Variants in MEF2A observed in about 807,000 individuals in gnomAD.
MEF2A encodes the protein myocyte enhancer factor 2A, also known as myocyte-specific enhancer factor 2A.
A neutral mutation model predicts 55.8 loss-of-function variants in MEF2A; 28 were observed. That is an observed-to-expected ratio of 0.50 (90% CI 0.37 to 0.69). MEF2A has a LOEUF of 0.69. Among genes scored for constraint, MEF2A ranks in the 30% least tolerant of loss-of-function variants. The pLI is 0.00. For synonymous variants in MEF2A, 239 were observed against 227.1 expected (o/e 1.05, Z -0.47); for missense variants, 528 against 626.2 (o/e 0.84, Z 1.67).
At chr15:99,675,976 G>T (rs934998610) in intron 7 of MEF2A, among the ~76,000 whole-genome samples, 2 of 151,806 alleles carry the variant, frequency 1.3e-5, no homozygotes, top group Admixed American at 1.3e-4. Flanking sequence ...GGAGGCGGTG[G>T]TTGCAGTGAG....
At chr15:99,572,381 C>G (rs968606668) in intron 1 of MEF2A, among the ~76,000 whole-genome samples, 2 of 152,194 alleles carry the variant, frequency 1.3e-5, no homozygotes, top group Admixed American at 1.3e-4. Flanking sequence ...CTAATCTGAC[C>G]ATCCTATTTA....
chr15:99,679,104 T>C (rs1456610900), intron 7 of MEF2A, among the ~76,000 whole-genome samples: 1 of 152,172 alleles, frequency 6.6e-6, no homozygotes, highest in Non-Finnish European at 1.5e-5. Context: ...GACAAAGCTA[T>C]GAAAAAGCAC....
intron 4 of MEF2A, among the ~76,000 whole-genome samples, chr15:99,662,136 G>A (rs563646042): frequency 7.2e-5 from 11 of 152,146 alleles, no homozygotes; most frequent in Non-Finnish European, 1.5e-4. Flanking sequence ...TCATCACAGA[G>A]TTAGGATGGT....
intron 10 of MEF2A, 78 bp downstream of exon 10, chr15:99,706,933 T>A (rs541215961): frequency 5.6e-5 from 82 of 1,457,966 alleles, no homozygotes; most frequent in Admixed American, 3.5e-4. Flanking sequence ...TGATTTTTTT[T>A]AAGTATATTT....
intron 4 of MEF2A, among the ~76,000 whole-genome samples, chr15:99,647,805 T>C (rs1402187089): frequency 6.6e-6 from 1 of 152,196 alleles, no homozygotes; most frequent in East Asian, 1.9e-4. Context: ...ATAAATACAG[T>C]AGATAGAAGA....
intron 8 of MEF2A, among the ~76,000 whole-genome samples, chr15:99,702,704 T>C (rs935446661): frequency 3.3e-5 from 5 of 152,224 alleles, no homozygotes; most frequent in South Asian, 4.1e-4. Flanking sequence ...ACATGACTTA[T>C]GAATTCATTT....
chr15:99,706,911 C>T (rs532531831), intron 10 of MEF2A, 56 bp downstream of exon 10: 31 of 1,554,100 alleles, frequency 2.0e-5, no homozygotes, highest in Non-Finnish European at 2.5e-5. Flanking sequence ...TTGTGATCAA[C>T]GTGTGCTTCT....
At chr15:99,700,199 C>T (rs1380176849) in intron 8 of MEF2A, among the ~76,000 whole-genome samples, 3 of 136,128 alleles carry the variant, frequency 2.2e-5, no homozygotes, top group African/African-American at 8.1e-5. Flanking sequence ...CACACACACA[C>T]ACACACACAC....
intron 8 of MEF2A, among the ~76,000 whole-genome samples, chr15:99,693,165 T>C (rs987052470): frequency 2.6e-5 from 4 of 152,094 alleles, no homozygotes; most frequent in Admixed American, 2.0e-4. Context: ...CTTGCACTAA[T>C]AGCTTAGCAG....
At chr15:99,586,536 A>G (rs1225071082) in intron 1 of MEF2A, among the ~76,000 whole-genome samples, 1 of 152,144 alleles carries the variant, frequency 6.6e-6, no homozygotes, top group Non-Finnish European at 1.5e-5. Context: ...CCTTCTTATT[A>G]CTCAGCTGTA....
At chr15:99,601,746 C>T (rs1973068504) in intron 2 of MEF2A, among the ~76,000 whole-genome samples, 1 of 150,388 alleles carries the variant, frequency 6.6e-6, no homozygotes, top group Admixed American at 6.6e-5. Flanking sequence ...GCTAAAATTG[C>T]GTTGACTCTT....
chr15:99,639,605 A>T (rs1380906328), intron 3 of MEF2A, among the ~76,000 whole-genome samples: 1 of 152,194 alleles, frequency 6.6e-6, no homozygotes, highest in Non-Finnish European at 1.5e-5. Flanking sequence ...AGGAATTGCT[A>T]GGCTGAGTAT....
At chr15:99,668,298 A>T (rs1263292544) in intron 4 of MEF2A, among the ~76,000 whole-genome samples, 2 of 152,264 alleles carry the variant, frequency 1.3e-5, no homozygotes, top group Admixed American at 1.3e-4. Flanking sequence ...TCATCGGCTT[A>T]AATTGATTAA....
chr15:99,715,981 A>G lies in MEF2A; in HGVS notation c.*3210A>G, dbSNP rs1022202517. The G allele has an allele frequency of 6.5e-6, 1 of 153,664 alleles. No homozygotes were observed. Among genetic ancestry groups the G allele is most frequent in the African/African-American group, 2.4e-5 (1 of 41,466 alleles). 9.5% of individuals were successfully genotyped at this position (153,664 alleles called of 1,614,324 possible). A position where few individuals can be genotyped will look rare whatever the true frequency, so the allele number is the denominator to read the frequency against. Reference sequence around the variant, plus strand: ...TAACTAGAAGGATAACTAGTAATGCATCAACATAATTTCTGTATTAACCAT... The same window carrying G: ...TAACTAGAAGGATAACTAGTAATGCGTCAACATAATTTCTGTATTAACCAT... On this transcript the variant is annotated 3_prime_UTR_variant, in exon 12 of 12. Transcript: ENST00000557942.
intron 2 of MEF2A, among the ~76,000 whole-genome samples, chr15:99,624,823 T>G (rs2041813224): frequency 6.6e-6 from 1 of 152,240 alleles, no homozygotes; most frequent in Non-Finnish European, 1.5e-5. Flanking sequence ...CATTTGTTTA[T>G]GTCTTTATTC....
intron 4 of MEF2A, among the ~76,000 whole-genome samples, chr15:99,657,252 T>C (rs977845945): frequency 1.3e-5 from 2 of 151,936 alleles, no homozygotes; most frequent in African/African-American, 4.8e-5. Context: ...TCCTGGATTG[T>C]GTGGTAAGTT....
Position 99,712,116 on chromosome 15 carries a change from T to C in MEF2A, c.1137-274T>C, listed in dbSNP as rs2058703861. Among the ~76,000 whole-genome samples, 1 of 152,220 alleles carries C rather than the reference T, an allele frequency of 6.6e-6. No homozygotes were observed. The highest frequency in any genetic ancestry group is 2.1e-4 in the South Asian group (1 of 4,834). On this transcript the variant is annotated intron_variant, in intron 11 of 11. Coordinates refer to ENST00000557942, the MANE Select transcript of MEF2A (RefSeq NM_001319206.4). The surrounding 1 kb of genome is among the most constrained non-coding windows in gnomAD (Gnocchi z 4.1). ...CCTGCACAGCATTAAGACACTGACA[T>C]TGTTTTGTATACTTTAGCTGCAAAA...
At chr15:99,681,462 TAAAGC>T (rs995761477) in intron 7 of MEF2A, among the ~76,000 whole-genome samples, 3 of 152,176 alleles carry the variant, frequency 2.0e-5, no homozygotes, top group African/African-American at 7.2e-5. Context: ...TTAGGAAAGA[TAAAGC>T]AGAAACCCAG....
At chr15:99,574,245 G>A (rs909022340) in intron 1 of MEF2A, among the ~76,000 whole-genome samples, 2 of 152,124 alleles carry the variant, frequency 1.3e-5, no homozygotes, top group Admixed American at 1.3e-4. Flanking sequence ...TTTATTTACA[G>A]ATTGAAACTC....
Sources: allele counts gnomAD v4.1 joint callset (sites outside exome capture counted in the v4.1 genomes callset), GRCh38; gene constraint gnomAD v4.1.1; non-coding constraint Gnocchi (gnomAD v3.1); transcripts MANE v1.5; gene names NCBI Gene and HGNC (gene_info 2026-07-23, HGNC 2026-07-21).